The following TRAP1 variants were observed in gnomAD, a reference collection of about 807,000 sequenced individuals.
The protein encoded by TRAP1 is TNF receptor associated protein 1.
In TRAP1, 102 loss-of-function variants were observed where a neutral mutation model predicts 89.1. That is an observed-to-expected ratio of 1.15 (90% CI 0.98 to 1.35). TRAP1 has a LOEUF of 1.35. Ranked by LOEUF, TRAP1 falls within the 40% of genes most tolerant of loss-of-function variation. The pLI is 0.00. For missense variants in TRAP1, 1,256 were observed against 945.3 expected (o/e 1.33, Z -4.31); for synonymous variants, 508 against 388.0 (o/e 1.31, Z -3.64).
chr16:3,687,294 T>C (rs544539272), intron 3 of TRAP1: 2 of 152,326 alleles, frequency 1.3e-5, no homozygotes, highest in Admixed American at 1.3e-4. Flanking sequence ...AAGACGGGAC[T>C]TGTTCCTCCT....
intron 1 of TRAP1, among the ~76,000 whole-genome samples, chr16:3,713,258 AAGGG>A (rs1014510369): frequency 3.9e-5 from 6 of 152,120 alleles, no homozygotes; most frequent in Non-Finnish European, 8.8e-5. Context: ...GCTCCAAACA[AAGGG>A]AGAGCAGAGG....
At chr16:3,666,286 G>C (rs1167281115) in intron 11 of TRAP1, among the ~76,000 whole-genome samples, 168 bp from the exon 12 acceptor site, 1 of 152,090 alleles carries the variant, frequency 6.6e-6, no homozygotes, top group Admixed American at 6.6e-5. Flanking sequence ...AGAAACCCTG[G>C]GCAGTGGCCG....
chr16:3,658,195 A>G lies in TRAP1; in HGVS notation c.2049T>C (p.Val683=). 5.6e-6 allele frequency: 9 copies of G among 1,614,078 alleles called. No individual in the cohort carries two copies. Among genetic ancestry groups the G allele is most frequent in the Non-Finnish European group, 7.6e-6 (9 of 1,180,002 alleles). The stretch of plus-strand genomic sequence containing the variant: ...GGCCCACCATGGCCCTAGGGTCGTC[A>G]ACAAGTCCAGCAGCAATCATGGCGT... ...YENAMIAAGL[V]DDPRAMVGRL... The change falls in exon 18 of 18, where the codon GTT becomes GTC. Residue 683 remains valine, a synonymous_variant. Transcript: ENST00000246957.
rs140841274 is a variant in TRAP1 at position 3,691,421 on chromosome 16, A to C, written c.89-436T>G. 4.6e-5 allele frequency among the ~76,000 whole-genome samples: 7 copies of C among 152,180 alleles called. No homozygotes were observed. In the East Asian group the frequency reaches 1.4e-3, roughly 29 times the overall value. On this transcript the variant is annotated intron_variant, in intron 1 of 17. Coordinates refer to ENST00000246957, the MANE Select transcript of TRAP1 (RefSeq NM_016292.3). ...TTTTTTGTAGAAATGGGGTTTTGCT[A>C]TGTTGCCAAGACTGGTCTCGAACTC...
At chr16:3,675,264 C>G in intron 8 of TRAP1, 60 bp downstream of exon 8, 1 of 1,554,988 alleles carries the variant, frequency 6.4e-7, no homozygotes, top group South Asian at 1.1e-5. Context: ...TCTCCGCTGC[C>G]CTGAAACGTA....
At chr16:3,711,154 G>A (rs935075909) in intron 1 of TRAP1, among the ~76,000 whole-genome samples, 1 of 151,914 alleles carries the variant, frequency 6.6e-6, no homozygotes, top group Non-Finnish European at 1.5e-5. Flanking sequence ...GGGATTACAA[G>A]CATGAGCTAC....
Position 3,666,178 on chromosome 16 carries a change from G to T in TRAP1, c.1236-60C>A. 1.6e-5 allele frequency: 25 copies of T among 1,552,112 alleles called. 1 individual carries two copies. The South Asian group carries it at 3.1e-4, about 19-fold the overall frequency. ...AGCCTCTATGAAATACAAATGGCCAGAGGGTACGAAAAAATGTTCAGCCCC... is the reference window on the plus strand; with the variant it reads ...AGCCTCTATGAAATACAAATGGCCATAGGGTACGAAAAAATGTTCAGCCCC... On this transcript the variant is annotated intron_variant, in intron 11 of 17. Transcript: ENST00000246957.
At chr16:3,661,105 A>G (rs1232561246) in intron 16 of TRAP1, 1 of 152,196 alleles carries the variant, frequency 6.6e-6, no homozygotes, top group Admixed American at 6.5e-5. Flanking sequence ...TTCATATACA[A>G]GTTAGAAAAT....
Position 3,663,538 on chromosome 16 carries a change from C to G in TRAP1, c.1594G>C (p.Asp532His), listed in dbSNP as rs760069677. The G allele has an allele frequency of 6.2e-7, 1 of 1,614,108 alleles. No homozygotes were observed. ...CGAAGGTGCAGCAGGGTGAGCTCAT[C>G]AAACTGCTCAAAGCAGAAGAGAACC... ...TEVLFCFEQF[D>H]ELTLLHLREF... The change falls in exon 14 of 18, where the codon GAT becomes CAT. Residue 532 changes from aspartate (D) to histidine (H), a missense_variant. Asp to His is a moderately conservative substitution (Grantham distance 81, BLOSUM62 -1). Coordinates refer to ENST00000246957, the MANE Select transcript of TRAP1 (RefSeq NM_016292.3).
intron 1 of TRAP1, among the ~76,000 whole-genome samples, chr16:3,698,532 G>A (rs1192318086): frequency 6.6e-6 from 1 of 151,868 alleles, no homozygotes; most frequent in African/African-American, 2.4e-5. Flanking sequence ...TTGATCTCCT[G>A]ACCTCGTGAT....
rs536970815 is a variant in TRAP1, at chr16:3,663,425, T to C, written c.1707A>G (p.Pro569=). The C allele has an allele frequency of 9.9e-6, 16 of 1,614,086 alleles. No homozygotes were observed. The South Asian group carries it at 1.5e-4, about 16-fold the overall frequency. ...YKEEKFEDRS[P]AAECLSEKET... Reference sequence around the variant, plus strand: ...GCCTAGAGAGCAGGGGATGCCGACCTGGGGACCTGTCCTCAAACTTCTCCT... The same window carrying C: ...GCCTAGAGAGCAGGGGATGCCGACCCGGGGACCTGTCCTCAAACTTCTCCT... Residue 569 remains proline (P), a splice_region_variant and synonymous_variant, in exon 14 of 18, where the codon CCA becomes CCG. Transcript: ENST00000246957.
intron 3 of TRAP1, among the ~76,000 whole-genome samples, chr16:3,687,878 C>T (rs1468608): frequency 7.2e-6 from 1 of 138,774 alleles, no homozygotes; most frequent in Non-Finnish European, 1.5e-5. Context: ...AAAAAAAAAA[C>T]AAAAACCCAC....
intron 11 of TRAP1, among the ~76,000 whole-genome samples, chr16:3,668,606 C>T (rs1018917161): frequency 2.6e-5 from 4 of 152,156 alleles, no homozygotes; most frequent in Admixed American, 6.5e-5. Context: ...GCTCTAATTT[C>T]GGCTGACTCT....
At position 3,662,126 on chromosome 16, in the gene TRAP1, G is replaced by A; in HGVS notation, c.1801C>T (p.Leu601Phe). The change falls in exon 16 of 18, where the codon CTC becomes TTC. Residue 601 changes from leucine (L) to phenylalanine (F), a missense_variant. Coordinates refer to ENST00000246957, the MANE Select transcript of TRAP1 (RefSeq NM_016292.3). ...GSRVTNVKVT[L>F]RLDTHPAMVT... is the part of the protein sequence containing the mutation. ...ATGGCAGGGTGGGTGTCCAGTCGGA[G>A]GGTCACCTGTGAGCAAAGCCCGGGG... is the stretch of plus-strand genomic sequence containing the variant. 4 of 1,611,868 alleles carry A rather than the reference G, an allele frequency of 2.5e-6. No individual in the cohort carries two copies. Among genetic ancestry groups the A allele is most frequent in the Non-Finnish European group, 3.4e-6 (4 of 1,179,122 alleles).
At chr16:3,676,271 C>T (rs979981321) in intron 6 of TRAP1, 126 bp from the exon 7 acceptor site, 1 of 665,420 alleles carries the variant, frequency 1.5e-6, no homozygotes. Context: ...ACCTCAAATG[C>T]CCCATTTCTG....
chr16:3,693,229 G>A (rs1010447714), intron 1 of TRAP1, among the ~76,000 whole-genome samples: 5 of 151,738 alleles, frequency 3.3e-5, no homozygotes, highest in African/African-American at 9.7e-5. Flanking sequence ...GATTACAGGC[G>A]TGAGCCACCA....
At chr16:3,702,911 G>A (rs1158430719) in intron 1 of TRAP1, among the ~76,000 whole-genome samples, 1 of 151,118 alleles carries the variant, frequency 6.6e-6, no homozygotes, top group Non-Finnish European at 1.5e-5. Flanking sequence ...GTGTTGTCGT[G>A]GATGCCTGTA....
intron 9 of TRAP1, among the ~76,000 whole-genome samples, chr16:3,673,676 A>T (rs1480065557): frequency 6.6e-6 from 1 of 152,168 alleles, no homozygotes; most frequent in Non-Finnish European, 1.5e-5. Context: ...GGCTCTTTCC[A>T]AGATGGATGC....
intron 16 of TRAP1, chr16:3,660,636 A>G (rs546499027): frequency 6.6e-6 from 1 of 152,392 alleles, no homozygotes; most frequent in East Asian, 1.9e-4. Context: ...ACTGACAGCC[A>G]TAAGCCAAGT....
Sources: gnomAD v4.1 joint callset for allele counts (sites outside exome capture counted in the v4.1 genomes callset) on GRCh38, gnomAD v4.1.1 for gene constraint, MANE v1.5 for transcripts, NCBI Gene and HGNC (gene_info 2026-07-23, HGNC 2026-07-21) for gene names.